YTHDF1: variants seen among roughly 807,000 people sequenced by gnomAD.
YTHDF1 encodes YTH N6-methyladenosine RNA binding protein F1, also known as YTH domain-containing family protein 1.
Under a neutral mutation model 49.1 loss-of-function variants are expected in YTHDF1, and 16 were observed. The observed-to-expected ratio is 0.33, with a 90% CI of 0.22 to 0.49. The LOEUF is 0.49. Among genes scored for constraint, YTHDF1 ranks in the 20% least tolerant of loss-of-function variants. YTHDF1 has a pLI of 0.99. For synonymous variants in YTHDF1, 313 were observed against 290.1 expected, an observed-to-expected ratio of 1.08 and a Z score of -0.80; for missense variants, 621 against 744.3, an observed-to-expected ratio of 0.83 and a Z score of 1.93.
At chr20:63,212,929 G>A (rs534890753) in intron 3 of YTHDF1, among the ~76,000 whole-genome samples, 4 of 152,254 alleles carry the variant, frequency 2.6e-5, no homozygotes, top group Non-Finnish European at 5.9e-5. Flanking sequence ...TGCCAAGGCA[G>A]AGAAAGCCTG....
intron 2 of YTHDF1, among the ~76,000 whole-genome samples, chr20:63,214,656 A>C (rs879287474): frequency 2.1e-4 from 32 of 152,272 alleles, no homozygotes; most frequent in Middle Eastern, 3.4e-3. Context: ...TAAGAGACAA[A>C]CGGCTGCATT....
In YTHDF1 at chr20:63,203,277, C is replaced by A. The variant is rs773917664; in HGVS notation, c.663G>T (p.Gly221=). ...ALTGVLSGNG[G]TNVNMPVSKP... ...TTGAAACTGGCATGTTCACATTTGT[C>A]CCACCGTTGCCAGAAAGGACACCAG... Residue 221 remains glycine, a synonymous_variant, in exon 4 of 5, where the codon GGG becomes GGT. Transcript: ENST00000370339. This position sits in a 1 kb window ranked among gnomAD's most constrained non-coding sequence, Gnocchi z 4.4. 3.7e-6 allele frequency: 6 copies of A among 1,613,708 alleles called. No homozygotes were observed. Among genetic ancestry groups the A allele is most frequent in the Non-Finnish European group, 5.1e-6 (6 of 1,180,042 alleles).
chr20:63,198,147 C>T (rs1044396003), intron 4 of YTHDF1, among the ~76,000 whole-genome samples: 1 of 152,022 alleles, frequency 6.6e-6, no homozygotes, highest in African/African-American at 2.4e-5. Flanking sequence ...AAAATCTCTT[C>T]CCAGGCTGGG....
At chr20:63,197,460 C>T (rs370757954) in intron 4 of YTHDF1, among the ~76,000 whole-genome samples, 26 of 152,216 alleles carry the variant, frequency 1.7e-4, no homozygotes, top group South Asian at 4.1e-4. Context: ...GACTTACACC[C>T]GAATCTTTTC....
intron 2 of YTHDF1, 154 bp from the exon 3 acceptor site, chr20:63,214,097 A>T: frequency 1.1e-5 from 11 of 967,388 alleles, no homozygotes; most frequent in Non-Finnish European, 1.4e-5. Context: ...ACTGATGTTT[A>T]TACAACTAAT....
chr20:63,203,557 G>A lies in YTHDF1; in HGVS notation c.383C>T (p.Ala128Val), dbSNP rs146457378. ...CCCACTTGTCCCCCATGCTGAGAACGCAGGGTTTTCAGGGAAAAAATTGAA... is the reference window on the plus strand; with the variant it reads ...CCCACTTGTCCCCCATGCTGAGAACACAGGGTTTTCAGGGAAAAAATTGAA... ...HRFNFFPENP[A>V]FSAWGTSGSQ... is the part of the protein sequence containing the mutation. The change falls in exon 4 of 5, where the codon GCG becomes GTG. Residue 128 changes from alanine (A) to valine (V), a missense_variant. Physicochemically the swap from Ala to Val is moderately conservative, Grantham distance 64 (BLOSUM62 0). Around this residue, in one of 2 missense-constraint regions of YTHDF1, gnomAD observed 470 missense variants for 495.8 expected, o/e 0.95. Coordinates refer to ENST00000370339, the MANE Select transcript of YTHDF1 (RefSeq NM_017798.4). The surrounding 1 kb of genome is among the most constrained non-coding windows in gnomAD (Gnocchi z 4.4). 1.4e-5 allele frequency: 22 copies of A among 1,614,000 alleles called. No homozygotes were observed. The African/African-American group carries it at 1.5e-4, about 11-fold the overall frequency.
chr20:63,197,849 A>G (rs1236662968), intron 4 of YTHDF1, among the ~76,000 whole-genome samples: 1 of 152,148 alleles, frequency 6.6e-6, no homozygotes, highest in African/African-American at 2.4e-5. Context: ...ACACCCAAAC[A>G]TTTAACCTGA....
chr20:63,204,151 C>T (rs1001276658), intron 3 of YTHDF1, among the ~76,000 whole-genome samples: 2 of 152,216 alleles, frequency 1.3e-5, no homozygotes, highest in African/African-American at 4.8e-5. Context: ...TAAACCCCTG[C>T]CTGCTGACGA....
At position 63,200,356 on chromosome 20, in the gene YTHDF1, C is replaced by CA. The variant is rs112262061; in HGVS notation, c.1653+1930dup. 1.1e-3 allele frequency among the ~76,000 whole-genome samples: 144 copies of CA among 135,452 alleles called. 1 individual carries two copies. Among genetic ancestry groups the CA allele is most frequent in the South Asian group, 3.5e-3 (15 of 4,234 alleles). 88.9% of individuals were successfully genotyped at this position (135,452 alleles called of 152,430 possible). On this transcript the variant is annotated intron_variant, in intron 4 of 4. Coordinates refer to ENST00000370339, the MANE Select transcript of YTHDF1 (RefSeq NM_017798.4). ...AGCCTGGCTGACGGTGAGATTGGCT[C>CA]AAAAAAAAAAAAGCTATTTGAAATT...
At chr20:63,210,719 T>G (rs1388492543) in intron 3 of YTHDF1, among the ~76,000 whole-genome samples, 3 of 151,542 alleles carry the variant, frequency 2.0e-5, no homozygotes, top group African/African-American at 7.3e-5. Context: ...GCCAGGGAGG[T>G]GGAGGCTGCA....
intron 1 of YTHDF1, 36 bp downstream of exon 1, chr20:63,215,830 G>T: frequency 6.9e-7 from 1 of 1,453,110 alleles, no homozygotes. Flanking sequence ...CCGCGCCTCG[G>T]CCCCGGCCGC....
chr20:63,203,946 G>A lies in YTHDF1; in HGVS notation c.133-139C>T, dbSNP rs2066532533. 2 of 772,136 alleles carry A rather than the reference G, an allele frequency of 2.6e-6. No homozygotes were observed. The highest frequency in any genetic ancestry group is 3.5e-5 in the African/African-American group (2 of 56,898). 47.8% of individuals were successfully genotyped at this position (772,136 alleles called of 1,614,324 possible). ...GGCTACTCCTTCCAGAAAGAAAGCT[G>A]TAGTCGCCAATGTGAGAACCAAATC... On this transcript the variant is annotated intron_variant, in intron 3 of 4. Transcript: ENST00000370339. The surrounding 1 kb of genome is among the most constrained non-coding windows in gnomAD (Gnocchi z 4.4).
chr20:63,201,998 A>G (rs2066519623), intron 4 of YTHDF1, among the ~76,000 whole-genome samples: 1 of 152,278 alleles, frequency 6.6e-6, no homozygotes, highest in African/African-American at 2.4e-5. Context: ...ACAGAAAAAC[A>G]GAATGTGTAC....
At chr20:63,196,858 A>AC (rs1284821348) in intron 4 of YTHDF1, 124 bp from the exon 5 acceptor site, 1 of 1,057,198 alleles carries the variant, frequency 9.5e-7, no homozygotes, top group African/African-American at 1.6e-5. Flanking sequence ...CCTGAATGGT[A>AC]CCCAAGCCAC....
At chr20:63,199,010 T>C (rs2066505197) in intron 4 of YTHDF1, among the ~76,000 whole-genome samples, 1 of 152,250 alleles carries the variant, frequency 6.6e-6, no homozygotes, top group Non-Finnish European at 1.5e-5. Context: ...TCTAAATTTA[T>C]AGCTGGACAG....
intron 3 of YTHDF1, among the ~76,000 whole-genome samples, chr20:63,212,107 C>G (rs563229367): frequency 3.5e-4 from 53 of 151,862 alleles, no homozygotes; most frequent in Middle Eastern, 3.4e-3. Flanking sequence ...CACTAGAAAA[C>G]AAGAAATTCA....
Position 63,213,880 on chromosome 20 carries a change from G to A in YTHDF1, c.116C>T (p.Thr39Ile). Reference sequence around the variant, plus strand: ...TAAACTCACCTGATTTGACTGTCCAGTAAGGTAGGGCTCAAAGTCATTGTC... The same window carrying A: ...TAAACTCACCTGATTTGACTGTCCAATAAGGTAGGGCTCAAAGTCATTGTC... ...VHDNDFEPYL[T>I]GQSNQSNSYP... The change falls in exon 3 of 5, where the codon ACT (threonine) becomes ATT (isoleucine). Residue 39 changes from threonine to isoleucine, a missense_variant. Transcript: ENST00000370339. 2 of 1,596,226 alleles carry A rather than the reference G, an allele frequency of 1.3e-6. No homozygotes were observed. The highest frequency in any genetic ancestry group is 1.7e-6 in the Non-Finnish European group (2 of 1,175,466).
rs748692807 is a variant in YTHDF1 at position 63,203,168 on chromosome 20, C to T, written c.772G>A (p.Gly258Ser). Residue 258 changes from glycine to serine, a missense_variant, in exon 4 of 5, where the codon GGT (glycine) becomes AGT (serine). Gly to Ser is a moderately conservative substitution (Grantham distance 56). Around this residue, in one of 2 missense-constraint regions of YTHDF1, gnomAD observed 470 missense variants for 495.8 expected, o/e 0.95. Coordinates refer to ENST00000370339, the MANE Select transcript of YTHDF1 (RefSeq NM_017798.4). The surrounding 1 kb of genome is among the most constrained non-coding windows in gnomAD (Gnocchi z 4.4). ...TTTATGGGTGGAGGGGGCAGCCCACCCCCCATGACAGGCCCGCTCTTTGTT... is the reference window on the plus strand; with the variant it reads ...TTTATGGGTGGAGGGGGCAGCCCACTCCCCATGACAGGCCCGCTCTTTGTT... ...MKTKSGPVMG[G>S]GLPPPPIKHN... 1 of 1,613,790 alleles carries T rather than the reference C, an allele frequency of 6.2e-7. No homozygotes were observed. Among genetic ancestry groups the T allele is most frequent in the South Asian group, 1.1e-5 (1 of 91,084 alleles).
intron 4 of YTHDF1, among the ~76,000 whole-genome samples, chr20:63,197,536 A>G (rs545429082): frequency 2.8e-4 from 42 of 152,310 alleles, no homozygotes; most frequent in African/African-American, 9.1e-4. Context: ...GGCAGCATAC[A>G]AAGATGAAAA....
Sources: allele counts gnomAD v4.1 joint callset (sites outside exome capture counted in the v4.1 genomes callset), GRCh38; gene constraint gnomAD v4.1.1; regional missense constraint gnomAD v4.1.1; non-coding constraint Gnocchi (gnomAD v3.1); transcripts MANE v1.5; gene names NCBI Gene and HGNC (gene_info 2026-07-23, HGNC 2026-07-21).